Variants in RTL4 observed in about 807,000 individuals in gnomAD.
RTL4 encodes retrotransposon Gag like 4.
Under a neutral mutation model 5.3 loss-of-function variants are expected in RTL4, and 4 were observed. The ratio of observed to expected loss-of-function variants is 0.75; its 90% confidence interval spans 0.37 to 1.72. RTL4 has a LOEUF of 1.72. Ranked by LOEUF, RTL4 falls within the 40% of genes most tolerant of loss-of-function variation. RTL4 has a pLI of 0.04. For synonymous variants in RTL4, 98 were observed against 87.3 expected, an observed-to-expected ratio of 1.12 and a Z score of -0.68; for missense variants, 260 against 227.1, an observed-to-expected ratio of 1.14 and a Z score of -0.93.
At chrX:112,256,403 G>A in the RTL4 span, among the ~76,000 whole-genome samples, 1 of 111,408 alleles carries the variant, frequency 9.0e-6, no homozygotes, top group South Asian at 3.7e-4. Flanking sequence ...TACACACACT[G>A]GTCTGCACCT....
chrX:112,300,203 T>G, the RTL4 span, among the ~76,000 whole-genome samples: 1 of 111,909 alleles, frequency 8.9e-6, no homozygotes, highest in Non-Finnish European at 1.9e-5. Context: ...ATCTTGATAA[T>G]CACACCATAT....
the RTL4 span, among the ~76,000 whole-genome samples, chrX:112,365,109 C>G: frequency 9.0e-6 from 1 of 110,844 alleles, no homozygotes; most frequent in Admixed American, 9.6e-5. Context: ...GAAAGCCTTT[C>G]AGAGGAATAT....
At chrX:112,161,889 T>TTAC in the RTL4 span, among the ~76,000 whole-genome samples, 1 of 85,144 alleles carries the variant, frequency 1.2e-5, no homozygotes, top group African/African-American at 4.5e-5. Flanking sequence ...TTCTTCTTTC[T>TTAC]TTCTTCTTTT....
the RTL4 span, among the ~76,000 whole-genome samples, chrX:112,246,746 A>G: frequency 1.8e-5 from 2 of 111,188 alleles, no homozygotes; most frequent in African/African-American, 3.3e-5. Context: ...ACCAGTCCCA[A>G]TGAGATGAAC....
chrX:112,111,847 A>G, the RTL4 span, among the ~76,000 whole-genome samples: 1 of 111,971 alleles, frequency 8.9e-6, no homozygotes. Flanking sequence ...ATAAGTCTGG[A>G]CTATAATTTG....
At chrX:112,111,271 C>T in the RTL4 span, among the ~76,000 whole-genome samples, 1 of 110,266 alleles carries the variant, frequency 9.1e-6, no homozygotes, top group East Asian at 2.9e-4. Context: ...TTCTCTCTTT[C>T]TTTCTCTCCG....
chrX:112,441,539 A>C, the RTL4 span, among the ~76,000 whole-genome samples: 13 of 111,789 alleles, frequency 1.2e-4, no homozygotes, highest in African/African-American at 3.9e-4. Context: ...AAAATGCCAC[A>C]TGTTGGCAAG....
the RTL4 span, among the ~76,000 whole-genome samples, chrX:112,432,768 G>T: frequency 9.3e-6 from 1 of 107,620 alleles, no homozygotes; most frequent in African/African-American, 3.4e-5. Context: ...GTCTTTTGTT[G>T]CCATTGCTTT....
the RTL4 span, among the ~76,000 whole-genome samples, chrX:112,340,518 C>T: frequency 1.1e-5 from 1 of 90,098 alleles, no homozygotes; most frequent in South Asian, 5.1e-4. Context: ...ATCTGAGAAG[C>T]TAAGTCATCT....
the RTL4 span, among the ~76,000 whole-genome samples, chrX:112,128,040 C>CT: frequency 1.8e-5 from 2 of 111,337 alleles, no homozygotes; most frequent in Non-Finnish European, 3.8e-5. Context: ...TTCCATTGCC[C>CT]TTTTTTGTAG....
chrX:112,324,481 T>C, the RTL4 span, among the ~76,000 whole-genome samples: 1 of 111,603 alleles, frequency 9.0e-6, no homozygotes, highest in Non-Finnish European at 1.9e-5. Context: ...TCAGATCTTA[T>C]GTTTCGGTCT....
chrX:112,394,729 A>G, the RTL4 span, among the ~76,000 whole-genome samples: 4 of 112,139 alleles, frequency 3.6e-5, no homozygotes, highest in Admixed American at 9.4e-5. Context: ...ACGCACTTTT[A>G]TAAGAAGTGA....
chrX:112,190,201 TTTC>T, the RTL4 span, among the ~76,000 whole-genome samples: 5 of 104,680 alleles, frequency 4.8e-5, no homozygotes, highest in Non-Finnish European at 9.7e-5. Flanking sequence ...TCTTTCTTTC[TTTC>T]TTTTTTCTAT....
upstream of RTL4, among the ~76,000 whole-genome samples, chrX:112,452,455 C>T (rs1265855934): frequency 9.2e-6 from 1 of 108,736 alleles, no homozygotes; most frequent in African/African-American, 3.4e-5. Flanking sequence ...TCAGTTGACA[C>T]CTAGCTGGAA....
the RTL4 span, among the ~76,000 whole-genome samples, chrX:112,311,857 G>C: frequency 9.1e-6 from 1 of 110,242 alleles, no homozygotes; most frequent in South Asian, 3.9e-4. Flanking sequence ...TATTCCCCCT[G>C]TTCAGAAAAG....
chrX:112,096,283 G>A, the RTL4 span, among the ~76,000 whole-genome samples: 2 of 112,348 alleles, frequency 1.8e-5, no homozygotes, highest in African/African-American at 3.2e-5. Context: ...CAATTTTCAT[G>A]TAGGGTTCTA....
the RTL4 span, among the ~76,000 whole-genome samples, chrX:112,260,491 GA>G: frequency 8.9e-6 from 1 of 111,833 alleles, no homozygotes; most frequent in Non-Finnish European, 1.9e-5. Context: ...GTATTACATT[GA>G]AGAAAAGTTT....
the RTL4 span, among the ~76,000 whole-genome samples, chrX:112,261,403 C>A: frequency 9.2e-6 from 1 of 108,919 alleles, no homozygotes; most frequent in Non-Finnish European, 1.9e-5. Context: ...CAATAGCAGA[C>A]AAACAGAGAG....
chrX:112,134,205 A>C, the RTL4 span, among the ~76,000 whole-genome samples: 3 of 111,888 alleles, frequency 2.7e-5, no homozygotes, highest in Non-Finnish European at 5.6e-5. Context: ...TGTGTCTTTT[A>C]AATCCTCTAC....
Sources: allele counts gnomAD v4.1 joint callset (sites outside exome capture counted in the v4.1 genomes callset), GRCh38; gene constraint gnomAD v4.1.1; transcripts MANE v1.5; gene names NCBI Gene and HGNC (gene_info 2026-07-23, HGNC 2026-07-21).